Variants in DMXL1 observed in about 807,000 individuals in gnomAD.
DMXL1 encodes the protein dmX-like protein 1.
In DMXL1, 99 loss-of-function variants were observed where a neutral mutation model predicts 319.2. The ratio of observed to expected loss-of-function variants is 0.31; its 90% CI spans 0.26 to 0.37. The LOEUF is 0.37. Among genes scored for constraint, DMXL1 ranks in the 10% least tolerant of loss-of-function variants. The pLI is 1.00. For missense variants in DMXL1, 3,745 were observed against 3,595.6 expected (o/e 1.04, Z -1.06); for synonymous variants, 1,385 against 1,235.2 (o/e 1.12, Z -2.54).
At chr5:119,245,763 C>A (rs188002330) in intron 43 of DMXL1, among the ~76,000 whole-genome samples, 4 of 151,992 alleles carry the variant, frequency 2.6e-5, no homozygotes, top group African/African-American at 9.7e-5. Flanking sequence ...TGGTCTCGAT[C>A]TCCTGACCTT....
At chr5:119,135,877 T>C (rs1365489005) in intron 13 of DMXL1, among the ~76,000 whole-genome samples, 1 of 152,194 alleles carries the variant, frequency 6.6e-6, no homozygotes, top group African/African-American at 2.4e-5. Flanking sequence ...AACAGCCTAC[T>C]ACAGATAATT....
At chr5:119,136,792 G>A (rs1163143365) in intron 13 of DMXL1, among the ~76,000 whole-genome samples, 1 of 152,266 alleles carries the variant, frequency 6.6e-6, no homozygotes, top group Non-Finnish European at 1.5e-5. Context: ...TTGAGGCTTG[G>A]CAGCAACCAC....
chr5:119,085,135 C>T (rs1003806114), intron 1 of DMXL1, among the ~76,000 whole-genome samples: 2 of 151,750 alleles, frequency 1.3e-5, no homozygotes, highest in Admixed American at 6.6e-5. Context: ...TCAAGATCAC[C>T]CTAGCCAGCA....
At chr5:119,216,483 A>G (rs930947340) in intron 34 of DMXL1, among the ~76,000 whole-genome samples, 1 of 152,256 alleles carries the variant, frequency 6.6e-6, no homozygotes. Context: ...AAAATGCAAC[A>G]GTGACCCTTT....
At chr5:119,190,145 A>G (rs1778451001) in intron 29 of DMXL1, among the ~76,000 whole-genome samples, 1 of 148,370 alleles carries the variant, frequency 6.7e-6, no homozygotes, top group South Asian at 2.1e-4. Flanking sequence ...TATTTCTTAT[A>G]AGATAAAAGA....
intron 28 of DMXL1, among the ~76,000 whole-genome samples, chr5:119,186,848 T>A (rs1777809423): frequency 6.6e-6 from 1 of 150,430 alleles, no homozygotes; most frequent in African/African-American, 2.5e-5. Context: ...TATTTGTCTG[T>A]ACAGTCTACT....
At chr5:119,107,548 TA>T (rs1217239619) in intron 4 of DMXL1, among the ~76,000 whole-genome samples, 1 of 152,208 alleles carries the variant, frequency 6.6e-6, no homozygotes. Context: ...TGTAATTTAA[TA>T]TCTGTAATAT....
intron 22 of DMXL1, 138 bp downstream of exon 22, chr5:119,166,919 T>A: frequency 1.5e-6 from 1 of 651,622 alleles, no homozygotes; most frequent in Non-Finnish European, 2.4e-6. Flanking sequence ...TGTTAATATT[T>A]AATAAAGACA....
chr5:119,132,482 C>T (rs745774463), intron 10 of DMXL1, among the ~76,000 whole-genome samples: 4 of 152,028 alleles, frequency 2.6e-5, no homozygotes, highest in Admixed American at 6.6e-5. Context: ...AGTTCAAGAC[C>T]AGCTTGACCA....
At chr5:119,175,391 A>G (rs1469628282) in intron 26 of DMXL1, 54 bp downstream of exon 26, 5 of 1,281,128 alleles carry the variant, frequency 3.9e-6, no homozygotes, top group Non-Finnish European at 4.5e-6. Flanking sequence ...ATGAGGTTTC[A>G]TATTTTGTAT....
At chr5:119,186,074 G>A (rs937237205) in intron 28 of DMXL1, among the ~76,000 whole-genome samples, 2 of 152,142 alleles carry the variant, frequency 1.3e-5, no homozygotes, top group African/African-American at 4.8e-5. Context: ...AAATAAATTT[G>A]AAATCTGTTT....
intron 2 of DMXL1, chr5:119,100,770 C>CTTTTTTTTTT (rs397999092): frequency 1.6e-4 from 10 of 62,716 alleles, no homozygotes; most frequent in East Asian, 1.2e-3. Flanking sequence ...CATCTGTTTT[C>CTTTTTTTTTT]TTTTTTTTTT....
chr5:119,184,315 C>A (rs1028493921), intron 28 of DMXL1, among the ~76,000 whole-genome samples: 1 of 152,136 alleles, frequency 6.6e-6, no homozygotes, highest in Non-Finnish European at 1.5e-5. Flanking sequence ...CTTCCCACCT[C>A]AGCCTCCCAA....
At chr5:119,141,707 C>A (rs1316884308) in intron 13 of DMXL1, among the ~76,000 whole-genome samples, 1 of 152,056 alleles carries the variant, frequency 6.6e-6, no homozygotes, top group Non-Finnish European at 1.5e-5. Context: ...TTTACAGATT[C>A]AATGCTATTC....
At chr5:119,162,547 C>A (rs1349417771) in intron 19 of DMXL1, among the ~76,000 whole-genome samples, 1 of 152,110 alleles carries the variant, frequency 6.6e-6, no homozygotes, top group Non-Finnish European at 1.5e-5. Flanking sequence ...TCTCTTGATC[C>A]CTTTTATAAG....
chr5:119,082,414 A>C (rs1329319120), intron 1 of DMXL1, among the ~76,000 whole-genome samples: 1 of 152,126 alleles, frequency 6.6e-6, no homozygotes, highest in Non-Finnish European at 1.5e-5. Context: ...AGCTGGGACG[A>C]CAGGCATGTC....
chr5:119,200,850 C>G (rs974851080), intron 32 of DMXL1, among the ~76,000 whole-genome samples: 6 of 152,046 alleles, frequency 3.9e-5, no homozygotes, highest in Non-Finnish European at 8.8e-5. Context: ...GGCTGCCTTC[C>G]TGATTTGGCT....
chr5:119,246,325 G>A (rs1339873259), intron 43 of DMXL1, among the ~76,000 whole-genome samples: 1 of 152,134 alleles, frequency 6.6e-6, no homozygotes, highest in East Asian at 1.9e-4. Flanking sequence ...TTACCTTACT[G>A]TACACCTATA....
At chr5:119,130,647 C>A (rs936967534) in intron 10 of DMXL1, among the ~76,000 whole-genome samples, 1 of 151,996 alleles carries the variant, frequency 6.6e-6, no homozygotes, top group Non-Finnish European at 1.5e-5. Context: ...TCGGCCTGTG[C>A]TTTGTTTTAA....
Sources: gnomAD v4.1 joint callset for allele counts (sites outside exome capture counted in the v4.1 genomes callset) on GRCh38, gnomAD v4.1.1 for gene constraint, MANE v1.5 for transcripts, NCBI Gene and HGNC (gene_info 2026-07-23, HGNC 2026-07-21) for gene names.